TNPO3: variants seen among roughly 807,000 people sequenced by gnomAD.
The protein encoded by TNPO3 is transportin-3.
TNPO3 carries 65 observed loss-of-function variants against 122.8 expected under a neutral mutation model. The observed-to-expected ratio is 0.53, with a 90% CI of 0.43 to 0.65. TNPO3 has a LOEUF of 0.65. Ranked by LOEUF, TNPO3 falls within the 30% of genes least tolerant of loss-of-function variation. The pLI is 0.00. For missense variants in TNPO3, 850 were observed against 1,136.7 expected (o/e 0.75, Z 3.63); for synonymous variants, 372 against 411.2 (o/e 0.90, Z 1.15).
At chr7:128,994,291 G>C (rs535943791) in intron 8 of TNPO3, among the ~76,000 whole-genome samples, 5 of 152,178 alleles carry the variant, frequency 3.3e-5, no homozygotes, top group Admixed American at 1.3e-4. Context: ...CCAGGTAACT[G>C]GGATTACAGA....
intron 9 of TNPO3, among the ~76,000 whole-genome samples, chr7:128,992,369 T>C (rs531148274): frequency 1.3e-5 from 2 of 152,262 alleles, no homozygotes; most frequent in South Asian, 4.1e-4. Context: ...AAACACAGTA[T>C]ATGAGTGTCT....
At chr7:128,960,791 ACT>A (rs1019909377) in intron 21 of TNPO3, among the ~76,000 whole-genome samples, 8 of 151,640 alleles carry the variant, frequency 5.3e-5, no homozygotes, top group African/African-American at 1.9e-4. Flanking sequence ...ACAGAGTCTC[ACT>A]CTGTCGCCCA....
At chr7:128,963,425 T>C (rs1467930830) in intron 21 of TNPO3, among the ~76,000 whole-genome samples, 1 of 152,200 alleles carries the variant, frequency 6.6e-6, no homozygotes, top group Non-Finnish European at 1.5e-5. Context: ...TTCTTTCCCC[T>C]GAAACAGCTT....
At chr7:129,002,489 G>A (rs1270699568) in intron 5 of TNPO3, among the ~76,000 whole-genome samples, 2 of 152,198 alleles carry the variant, frequency 1.3e-5, no homozygotes, top group Non-Finnish European at 2.9e-5. Context: ...TTTTTAAAAG[G>A]ATATTTAAAA....
At position 129,054,999 on chromosome 7, in the gene TNPO3, C is replaced by G. The variant is rs569315740; in HGVS notation, c.-229G>C. ...CCTGGCCTTTTTTCCGGTTTTTCCA[C>G]TTGATTCTAGACTCTTGAGTCCACA... On this transcript the variant is annotated 5_prime_UTR_variant, in exon 1 of 23. Coordinates refer to ENST00000265388, the MANE Select transcript of TNPO3 (RefSeq NM_012470.4). 8 of 540,044 alleles carry G rather than the reference C, an allele frequency of 1.5e-5. No homozygotes were observed. The highest frequency in any genetic ancestry group is 9.5e-5 in the African/African-American group (5 of 52,540). The allele number at this position is 540,044 out of a possible 1,614,324, so 33.5% of individuals were successfully genotyped here. A position where few individuals can be genotyped will look rare whatever the true frequency, so the allele number is the denominator to read the frequency against.
chr7:129,014,555 G>T (rs1309480263), intron 4 of TNPO3, among the ~76,000 whole-genome samples: 1 of 151,654 alleles, frequency 6.6e-6, no homozygotes, highest in East Asian at 1.9e-4. Flanking sequence ...CCATAAATAT[G>T]TACAACTATC....
chr7:129,055,433 A>C (rs543886428), upstream of TNPO3: 1 of 155,674 alleles, frequency 6.4e-6, no homozygotes, highest in Admixed American at 6.3e-5. Context: ...GCGTCAATTC[A>C]ACTCTCCCTA....
chr7:129,050,952 T>C (rs1261659491), intron 1 of TNPO3, among the ~76,000 whole-genome samples: 3 of 152,172 alleles, frequency 2.0e-5, no homozygotes, highest in Non-Finnish European at 4.4e-5. Flanking sequence ...ACAGTGTTTA[T>C]GGAATCCCAT....
At chr7:128,978,889 C>T in intron 16 of TNPO3, 94 bp downstream of exon 16, 1 of 1,489,530 alleles carries the variant, frequency 6.7e-7, no homozygotes, top group Admixed American at 1.9e-5. Context: ...GCATAGGCCT[C>T]CCAAAGTGCT....
chr7:129,024,859 C>T (rs1395789792), intron 1 of TNPO3, among the ~76,000 whole-genome samples: 26 of 151,784 alleles, frequency 1.7e-4, no homozygotes, highest in Admixed American at 1.7e-3. Flanking sequence ...AAAAATCTGC[C>T]ACGTGTGGTG....
intron 3 of TNPO3, among the ~76,000 whole-genome samples, chr7:129,016,301 G>T (rs1344821736): frequency 2.0e-5 from 3 of 152,062 alleles, no homozygotes; most frequent in African/African-American, 7.2e-5. Context: ...GGCTGAGACA[G>T]GAGAATCACC....
chr7:128,984,173 T>C lies in TNPO3; in HGVS notation c.1777A>G (p.Lys593Glu), dbSNP rs1009156162. The stretch of plus-strand genomic sequence containing the variant: ...CCTTCCTTAATTGGACTTACCTTTT[T>C]CAATGCCATAACCTGAACAGAACAT... ...ELCSVQVMAL[K>E]KLLSQEPSNG... The change falls in exon 13 of 23, where the codon AAA becomes GAA. Residue 593 changes from lysine to glutamate, a missense_variant. By Grantham distance (56) the Lys-to-Glu change is moderately conservative. Transcript: ENST00000265388. 6.3e-7 allele frequency: 1 copy of C among 1,591,332 alleles called. No individual in the cohort carries two copies. Among genetic ancestry groups the C allele is most frequent in the Non-Finnish European group, 8.6e-7 (1 of 1,168,950 alleles).
At position 128,990,009 on chromosome 7, in the gene TNPO3, A is replaced by G. The variant is rs757752282; in HGVS notation, c.1450T>C (p.Leu484=). ...HTAVRYTSIE[L]VGEMSEVVDR... is the part of the protein sequence containing the mutation. Reference sequence around the variant, plus strand: ...ACGACTTCACTCATCTCTCCAACCAATTCAATGCTGGTGTATCGCACAGCC... The same window carrying G: ...ACGACTTCACTCATCTCTCCAACCAGTTCAATGCTGGTGTATCGCACAGCC... Residue 484 remains leucine (L), a synonymous_variant, in exon 11 of 23, where the codon TTG becomes CTG. Transcript: ENST00000265388. 1.2e-5 allele frequency: 19 copies of G among 1,614,102 alleles called. No homozygotes were observed. Among genetic ancestry groups the G allele is most frequent in the South Asian group, 8.8e-5 (8 of 91,078 alleles).
intron 1 of TNPO3, among the ~76,000 whole-genome samples, chr7:129,033,961 TCAACTGCAGC>T (rs1806264888): frequency 6.6e-6 from 1 of 150,798 alleles, no homozygotes; most frequent in Non-Finnish European, 1.5e-5. Flanking sequence ...ACACCCGTGT[TCAACTGCAGC>T]CAACTGCAGC....
At chr7:128,957,554 G>A (rs144494629) in intron 21 of TNPO3, among the ~76,000 whole-genome samples, 53 of 152,276 alleles carry the variant, frequency 3.5e-4, no homozygotes, top group African/African-American at 1.1e-3. Flanking sequence ...CAAACTGCCC[G>A]AGTTTGAATC....
chr7:129,043,934 G>A (rs1807706691), intron 1 of TNPO3, among the ~76,000 whole-genome samples: 1 of 152,130 alleles, frequency 6.6e-6, no homozygotes, highest in African/African-American at 2.4e-5. Flanking sequence ...TTCAACACTG[G>A]TCTCTATTTC....
rs73463056 is a variant in TNPO3 at position 129,002,128 on chromosome 7, T to C, written c.697-894A>G. Among the ~76,000 whole-genome samples, 429 of 152,298 alleles carry C rather than the reference T, an allele frequency of 2.8e-3. 3 individuals are homozygous for C. Among genetic ancestry groups the C allele is most frequent in the African/African-American group, 9.9e-3 (413 of 41,544 alleles). ...AAAGGAGAGCAAGGCCTTTGAAATT[T>C]TGAAGGAAAATAATATTCAGCCTAC... On this transcript the variant is annotated intron_variant, in intron 5 of 22. Transcript: ENST00000265388.
At chr7:128,999,467 T>C (rs1192297957) in intron 7 of TNPO3, among the ~76,000 whole-genome samples, 1 of 152,126 alleles carries the variant, frequency 6.6e-6, no homozygotes, top group Non-Finnish European at 1.5e-5. Context: ...AACGTTGTCT[T>C]GTATGTGATA....
chr7:129,012,557 T>C (rs1262641486), intron 4 of TNPO3, among the ~76,000 whole-genome samples: 2 of 152,208 alleles, frequency 1.3e-5, no homozygotes, highest in Non-Finnish European at 2.9e-5. Context: ...CAAAGTATAA[T>C]GCAAATATTC....
Sources: allele counts gnomAD v4.1 joint callset (sites outside exome capture counted in the v4.1 genomes callset), GRCh38; gene constraint gnomAD v4.1.1; transcripts MANE v1.5; gene names NCBI Gene and HGNC (gene_info 2026-07-23, HGNC 2026-07-21).